TENM3: variants seen among roughly 807,000 people sequenced by gnomAD.
TENM3 encodes the protein teneurin transmembrane protein 3.
A neutral mutation model predicts 255.1 loss-of-function variants in TENM3; 63 were observed. The ratio of observed to expected loss-of-function variants is 0.25; its 90% confidence interval spans 0.20 to 0.30. The LOEUF is 0.30. Ranked by LOEUF, TENM3 falls within the 10% of genes least tolerant of loss-of-function variation. TENM3 has a pLI of 1.00. For missense variants in TENM3, 2,929 were observed against 3,461.1 expected, an observed-to-expected ratio of 0.85 and a Z score of 3.86; for synonymous variants, 1,306 against 1,322.3, an observed-to-expected ratio of 0.99 and a Z score of 0.27.
the TENM3 span, among the ~76,000 whole-genome samples, chr4:181,468,103 C>G: frequency 6.8e-6 from 1 of 147,256 alleles, no homozygotes; most frequent in Admixed American, 6.8e-5. Context: ...CAAGACCAGC[C>G]TGGGCATCAC....
intron 3 of TENM3, among the ~76,000 whole-genome samples, chr4:182,572,091 G>A (rs577391424): frequency 2.6e-5 from 4 of 152,166 alleles, no homozygotes; most frequent in South Asian, 4.2e-4. Flanking sequence ...TAGTAAAAAC[G>A]GGGTTTCACC....
chr4:181,539,447 T>C, the TENM3 span, among the ~76,000 whole-genome samples: 4 of 152,232 alleles, frequency 2.6e-5, no homozygotes, highest in African/African-American at 4.8e-5. Context: ...ATTTTATAAA[T>C]AGCAACAAAC....
chr4:181,562,995 G>C, the TENM3 span, among the ~76,000 whole-genome samples: 2 of 152,204 alleles, frequency 1.3e-5, no homozygotes, highest in Non-Finnish European at 2.9e-5. Flanking sequence ...CCACTGGGGA[G>C]TTGCGTACGA....
the TENM3 span, among the ~76,000 whole-genome samples, chr4:181,883,464 A>G: frequency 6.6e-6 from 1 of 152,096 alleles, no homozygotes; most frequent in African/African-American, 2.4e-5. Flanking sequence ...AATTGGAGGC[A>G]ATGTACAATT....
At chr4:181,942,991 A>G in the TENM3 span, among the ~76,000 whole-genome samples, 5 of 152,194 alleles carry the variant, frequency 3.3e-5, no homozygotes, top group African/African-American at 7.2e-5. Context: ...TATAAAGACA[A>G]TCTTGGCATA....
chr4:181,815,329 G>A, the TENM3 span, among the ~76,000 whole-genome samples: 16 of 152,032 alleles, frequency 1.1e-4, no homozygotes, highest in African/African-American at 3.9e-4. Flanking sequence ...GGGCATGATG[G>A]CATGTGCCTG....
the TENM3 span, among the ~76,000 whole-genome samples, chr4:181,855,515 C>T: frequency 1.3e-5 from 2 of 152,176 alleles, no homozygotes; most frequent in Non-Finnish European, 2.9e-5. Flanking sequence ...TTTTTGGTAA[C>T]TCTCAGAAGA....
intron 3 of TENM3, among the ~76,000 whole-genome samples, chr4:182,497,827 C>A (rs1165297699): frequency 7.0e-6 from 1 of 143,204 alleles, no homozygotes; most frequent in Non-Finnish European, 1.5e-5. Context: ...GTAGCATATA[C>A]CCCATCTCTA....
At chr4:182,254,319 CTT>C (rs1274113126) in intron 1 of TENM3, among the ~76,000 whole-genome samples, 5 of 142,336 alleles carry the variant, frequency 3.5e-5, no homozygotes, top group African/African-American at 1.4e-4. Flanking sequence ...TTTTTGAGGA[CTT>C]TTTCTCTCTC....
At chr4:182,110,094 A>G in the TENM3 span, among the ~76,000 whole-genome samples, 2 of 139,868 alleles carry the variant, frequency 1.4e-5, no homozygotes, top group African/African-American at 2.6e-5. Flanking sequence ...AGCCTGGGAG[A>G]CAGAGCGAGA....
the TENM3 span, among the ~76,000 whole-genome samples, chr4:182,088,140 C>T: frequency 5.3e-5 from 8 of 152,132 alleles, no homozygotes; most frequent in Non-Finnish European, 8.8e-5. Flanking sequence ...AATTTTACTC[C>T]AGTGAATCCA....
intron 15 of TENM3, 92 bp downstream of exon 15, chr4:182,730,411 A>T: frequency 1.4e-6 from 2 of 1,467,724 alleles, no homozygotes; most frequent in Non-Finnish European, 1.8e-6. Flanking sequence ...GTCCTTTTAA[A>T]TATGGAAATG....
intron 1 of TENM3, among the ~76,000 whole-genome samples, chr4:182,258,287 C>T (rs1465705679): frequency 1.3e-5 from 2 of 152,070 alleles, no homozygotes; most frequent in Non-Finnish European, 2.9e-5. Context: ...AGGTTGTTTG[C>T]TAAACCTCAC....
the TENM3 span, among the ~76,000 whole-genome samples, chr4:181,974,916 AT>A: frequency 3.3e-5 from 5 of 152,050 alleles, no homozygotes. Context: ...CCGATAGGTA[AT>A]TTTTCAAACC....
rs192013440 is a variant in TENM3 at position 182,792,663 on chromosome 4, T to C, written c.5991T>C (p.Gly1997=). ...GCACCATTAGATACAGGCAAATTGG[T>C]CCCCTGATTGACAGGCAGATTTTCC... is the stretch of plus-strand genomic sequence containing the variant. ...FICTIRYRQI[G]PLIDRQIFRF... The change falls in exon 26 of 28, where the codon GGT becomes GGC. Residue 1997 remains glycine (G), a synonymous_variant. Transcript: ENST00000511685. This position sits in a 1 kb window ranked among gnomAD's most constrained non-coding sequence, Gnocchi z 6.3. The C allele has an allele frequency of 2.0e-4, 330 of 1,613,992 alleles. 2 individuals carry two copies. In the African/African-American group the frequency reaches 4.0e-3, roughly 20 times the overall value.
the TENM3 span, among the ~76,000 whole-genome samples, chr4:181,756,578 C>T: frequency 1.3e-5 from 2 of 152,154 alleles, no homozygotes; most frequent in Non-Finnish European, 2.9e-5. Flanking sequence ...GTTTTTAGAG[C>T]TTTCTTGCCT....
chr4:181,656,743 G>A, the TENM3 span, among the ~76,000 whole-genome samples: 2 of 149,346 alleles, frequency 1.3e-5, no homozygotes, highest in African/African-American at 2.5e-5. Flanking sequence ...AAGGGAGGAA[G>A]AAGACGTAAT....
chr4:182,706,367 G>A (rs920890213), intron 12 of TENM3, among the ~76,000 whole-genome samples: 5 of 152,088 alleles, frequency 3.3e-5, no homozygotes, highest in African/African-American at 1.2e-4. Context: ...AAATTAAACC[G>A]GTTAATTCAC....
At chr4:182,481,420 T>C (rs1734190632) in intron 3 of TENM3, among the ~76,000 whole-genome samples, 1 of 152,208 alleles carries the variant, frequency 6.6e-6, no homozygotes, top group Non-Finnish European at 1.5e-5. Flanking sequence ...CTTTTGTGCT[T>C]AAAGATTCAT....
Sources: allele counts gnomAD v4.1 joint callset (sites outside exome capture counted in the v4.1 genomes callset), GRCh38; gene constraint gnomAD v4.1.1; non-coding constraint Gnocchi (gnomAD v3.1); transcripts MANE v1.5; gene names NCBI Gene and HGNC (gene_info 2026-07-23, HGNC 2026-07-21).